The following FAM114A1 variants were observed in gnomAD, a reference collection of about 807,000 sequenced individuals.
FAM114A1 encodes the protein family with sequence similarity 114 member A1.
In FAM114A1, 62 loss-of-function variants were observed where a neutral mutation model predicts 64.3. The ratio of observed to expected loss-of-function variants is 0.96; its 90% CI spans 0.79 to 1.19. FAM114A1 has a LOEUF of 1.19. Among genes scored for constraint, FAM114A1 ranks in the 50% most tolerant of loss-of-function variants. The probability of loss-of-function intolerance (pLI) is 0.00; values close to 1 mark genes in which losing one functional copy is unlikely to be tolerated. For missense variants in FAM114A1, 645 were observed against 676.3 expected, an observed-to-expected ratio of 0.95 and a Z score of 0.51; for synonymous variants, 254 against 251.1, an observed-to-expected ratio of 1.01 and a Z score of -0.11.
Position 38,935,781 on chromosome 4 carries a change from C to T in FAM114A1, c.1527C>T (p.Thr509=), listed in dbSNP as rs1399942793. The change falls in exon 13 of 15, where the codon ACC becomes ACT. Residue 509 remains threonine (T), a synonymous_variant. Coordinates refer to ENST00000358869, the MANE Select transcript of FAM114A1 (RefSeq NM_138389.4). ...SLSKKFTNSL[T]TVGSNKKAEV... is the part of the protein sequence containing the mutation. ...CAAAGAAGTTTACGAATTCTTTAAC[C>T]ACTGTTGGGGTAAGATTACAGTCTT... The T allele has an allele frequency of 6.2e-7, 1 of 1,608,998 alleles. No homozygotes were observed. Among genetic ancestry groups the T allele is most frequent in the South Asian group, 1.1e-5 (1 of 90,868 alleles).
At chr4:38,892,648 A>G (rs1716515321) in intron 4 of FAM114A1, among the ~76,000 whole-genome samples, 1 of 152,350 alleles carries the variant, frequency 6.6e-6, no homozygotes, top group South Asian at 2.1e-4. Context: ...AAGGCATTTC[A>G]TCTTGAAGGT....
At chr4:38,931,970 A>G (rs13132880) in intron 11 of FAM114A1, among the ~76,000 whole-genome samples, 43,322 of 152,038 alleles carry the variant, frequency 0.28, 6,775 homozygotes, top group South Asian at 0.57. Flanking sequence ...CACCTTCTTT[A>G]GCACCTGCCT....
intron 3 of FAM114A1, among the ~76,000 whole-genome samples, chr4:38,888,077 A>C (rs1715989272): frequency 6.6e-6 from 1 of 152,118 alleles, no homozygotes; most frequent in South Asian, 2.1e-4. Flanking sequence ...TAAATGATAA[A>C]GGCCTTTGAA....
At chr4:38,928,646 G>A (rs1720357940) in intron 9 of FAM114A1, among the ~76,000 whole-genome samples, 1 of 152,200 alleles carries the variant, frequency 6.6e-6, no homozygotes, top group Non-Finnish European at 1.5e-5. Flanking sequence ...CTGTCCCTCA[G>A]TAGCTTCCAG....
intron 4 of FAM114A1, among the ~76,000 whole-genome samples, chr4:38,902,875 T>G (rs961899805): frequency 1.3e-5 from 2 of 152,190 alleles, no homozygotes; most frequent in African/African-American, 4.8e-5. Flanking sequence ...CATATTATTA[T>G]TTTCTTGTTC....
chr4:38,921,701 G>A (rs1453785643), intron 8 of FAM114A1, among the ~76,000 whole-genome samples: 1 of 152,156 alleles, frequency 6.6e-6, no homozygotes, highest in Admixed American at 6.5e-5. Context: ...TTCCCCAAGG[G>A]GGAAGGACAG....
At position 38,931,464 on chromosome 4, in the gene FAM114A1, C is replaced by T; in HGVS notation, c.1175C>T (p.Ala392Val). 18 of 1,612,920 alleles carry T rather than the reference C, an allele frequency of 1.1e-5. No homozygotes were observed. The highest frequency in any genetic ancestry group is 1.5e-5 in the Non-Finnish European group (18 of 1,179,710). The stretch of plus-strand genomic sequence containing the variant: ...GGACCTCTGCAGGCCATGAAGAGGG[C>T]TCATGACTGGGTGGAAGAGGATCAA... The part of the protein sequence containing the change: ...PDKLNKAMKR[A>V]HDWVEEDQTV... Residue 392 changes from alanine to valine, a missense_variant, in exon 11 of 15, where the codon GCT becomes GTT. Physicochemically the swap from Ala to Val is moderately conservative, Grantham distance 64. Coordinates refer to ENST00000358869, the MANE Select transcript of FAM114A1 (RefSeq NM_138389.4).
intron 4 of FAM114A1, among the ~76,000 whole-genome samples, chr4:38,904,585 G>A (rs1298128719): frequency 1.3e-5 from 2 of 150,842 alleles, no homozygotes; most frequent in African/African-American, 5.0e-5. Context: ...GACAACTGTC[G>A]GGGCTGTTGG....
At chr4:38,922,628 A>G (rs183711653) in intron 8 of FAM114A1, 142 bp from the exon 9 acceptor site, 20 of 1,017,142 alleles carry the variant, frequency 2.0e-5, no homozygotes, top group Non-Finnish European at 2.5e-5. Context: ...CACAGTTAAC[A>G]TGCATCAAGC....
At chr4:38,881,775 G>C (rs1715297087) in intron 3 of FAM114A1, among the ~76,000 whole-genome samples, 1 of 151,952 alleles carries the variant, frequency 6.6e-6, no homozygotes, top group South Asian at 2.1e-4. Flanking sequence ...TTTGCCTCTT[G>C]TTGCATACTC....
chr4:38,927,284 C>T (rs1009271371), intron 9 of FAM114A1, among the ~76,000 whole-genome samples: 12 of 152,202 alleles, frequency 7.9e-5, no homozygotes, highest in African/African-American at 2.9e-4. Context: ...CAACAGAAAT[C>T]TATTTCTCAC....
At chr4:38,906,119 A>G (rs1468508061) in intron 6 of FAM114A1, among the ~76,000 whole-genome samples, 3 of 152,222 alleles carry the variant, frequency 2.0e-5, no homozygotes, top group Non-Finnish European at 4.4e-5. Context: ...CTGATTTAAC[A>G]GTGTCCTTTC....
At chr4:38,873,463 G>A (rs944056940) in intron 2 of FAM114A1, among the ~76,000 whole-genome samples, 4 of 152,058 alleles carry the variant, frequency 2.6e-5, no homozygotes, top group Non-Finnish European at 5.9e-5. Context: ...CAAGTACTAT[G>A]TAGAATATGA....
Position 38,891,777 on chromosome 4 carries a change from C to A in FAM114A1, c.383C>A (p.Ala128Glu). The A allele has an allele frequency of 6.2e-7, 1 of 1,612,248 alleles. No homozygotes were observed. The highest frequency in any genetic ancestry group is 1.1e-5 in the South Asian group (1 of 90,766). Reference protein sequence around the residue: ...VDSPPSGGGWAGWGSWGKSLL... With the variant: ...VDSPPSGGGWEGWGSWGKSLL... Reference sequence around the variant, plus strand: ...TCCCCTCCAAGTGGAGGAGGATGGGCAGGCTGGGGATCCTGGGGCAAATCT... The same window carrying A: ...TCCCCTCCAAGTGGAGGAGGATGGGAAGGCTGGGGATCCTGGGGCAAATCT... Residue 128 changes from alanine (A) to glutamate (E), a missense_variant, in exon 4 of 15, where the codon GCA becomes GAA. By Grantham distance (107) the Ala-to-Glu change is moderately radical (BLOSUM62 -1). Transcript: ENST00000358869.
intron 9 of FAM114A1, among the ~76,000 whole-genome samples, chr4:38,925,325 A>G (rs1720003544): frequency 6.6e-6 from 1 of 152,246 alleles, no homozygotes; most frequent in Non-Finnish European, 1.5e-5. Context: ...CTGGGAGAAA[A>G]GAATAGACGT....
Position 38,942,597 on chromosome 4 carries a change from T to G in FAM114A1, c.1591-859T>G, listed in dbSNP as rs184947050. On this transcript the variant is annotated intron_variant, in intron 14 of 14. Transcript: ENST00000358869. ...TGTTTTAGTTACCCTAACCTTTAAATGGCCTCTCCATCCAATACTGTGTGT... is the reference window on the plus strand; with the variant it reads ...TGTTTTAGTTACCCTAACCTTTAAAGGGCCTCTCCATCCAATACTGTGTGT... 4.5e-3 allele frequency among the ~76,000 whole-genome samples: 690 copies of G among 152,348 alleles called. 4 individuals carry two copies. The highest frequency in any genetic ancestry group is 0.016 in the African/African-American group (662 of 41,582).
chr4:38,897,382 T>C (rs1204247921), intron 4 of FAM114A1, among the ~76,000 whole-genome samples: 2 of 152,234 alleles, frequency 1.3e-5, no homozygotes, highest in Non-Finnish European at 1.5e-5. Flanking sequence ...AGAAAATTAA[T>C]TGAAATTATG....
chr4:38,924,024 G>A (rs1719877952), intron 9 of FAM114A1, among the ~76,000 whole-genome samples: 1 of 152,196 alleles, frequency 6.6e-6, no homozygotes, highest in Non-Finnish European at 1.5e-5. Context: ...GACAACCTCA[G>A]AGACAGGTCT....
intron 3 of FAM114A1, among the ~76,000 whole-genome samples, chr4:38,888,837 G>C (rs1314062564): frequency 1.3e-5 from 2 of 152,172 alleles, no homozygotes; most frequent in Non-Finnish European, 2.9e-5. Flanking sequence ...GCTCCATGCT[G>C]CCTGTTGTAG....
Sources: gnomAD v4.1 joint callset for allele counts (sites outside exome capture counted in the v4.1 genomes callset) on GRCh38, gnomAD v4.1.1 for gene constraint, MANE v1.5 for transcripts, NCBI Gene and HGNC (gene_info 2026-07-23, HGNC 2026-07-21) for gene names.